The following ZNF808 variants were observed in gnomAD, a reference collection of about 807,000 sequenced individuals.
ZNF808 encodes the protein zinc finger protein 808.
In ZNF808, 5 loss-of-function variants were observed where a neutral mutation model predicts 8.7. That is an observed-to-expected ratio of 0.58 (90% confidence interval 0.30 to 1.21). The LOEUF (loss-of-function observed/expected upper bound fraction) is 1.21. Among genes scored for constraint, ZNF808 ranks in the 50% most tolerant of loss-of-function variants. ZNF808 has a pLI of 0.07. For synonymous variants in ZNF808, 380 were observed against 366.0 expected (o/e 1.04, Z -0.44); for missense variants, 1,103 against 1,098.4 (o/e 1.00, Z -0.06).
chr19:52,566,161 AGTTT>A (rs1025474880), downstream of ZNF808, among the ~76,000 whole-genome samples: 6 of 151,860 alleles, frequency 4.0e-5, no homozygotes, highest in African/African-American at 9.7e-5. Context: ...ATATATATAT[AGTTT>A]GTTTTGTTTT....
chr19:52,536,240 C>G (rs957554097), intron 2 of ZNF808, among the ~76,000 whole-genome samples: 3 of 152,188 alleles, frequency 2.0e-5, no homozygotes, highest in African/African-American at 7.2e-5. Flanking sequence ...CTGGTCCCAA[C>G]CCCGGTCTTT....
intron 1 of ZNF808, among the ~76,000 whole-genome samples, chr19:52,530,646 G>C (rs978437870): frequency 6.8e-6 from 1 of 147,390 alleles, no homozygotes; most frequent in African/African-American, 2.5e-5. Flanking sequence ...CTGGGCAACG[G>C]AGCTAGACTC....
intron 2 of ZNF808, among the ~76,000 whole-genome samples, chr19:52,541,981 C>T (rs1439976066): frequency 6.6e-6 from 1 of 152,060 alleles, no homozygotes; most frequent in Non-Finnish European, 1.5e-5. Flanking sequence ...CCAAACTTGA[C>T]AGCATGTATT....
intron 3 of ZNF808, among the ~76,000 whole-genome samples, chr19:52,561,846 T>A (rs1251281215): frequency 6.6e-6 from 1 of 152,142 alleles, no homozygotes; most frequent in Non-Finnish European, 1.5e-5. Flanking sequence ...GGTGCCTGGC[T>A]GCCTCCAGGG....
chr19:52,556,943 C>T (rs1375145224), downstream of ZNF808, among the ~76,000 whole-genome samples: 1 of 151,968 alleles, frequency 6.6e-6, no homozygotes, highest in African/African-American at 2.4e-5. Context: ...TAGAATGCTC[C>T]TCCAAAAGCA....
downstream of ZNF808, among the ~76,000 whole-genome samples, chr19:52,567,486 TTTATTATTATTA>T (rs199989177): frequency 2.9e-3 from 107 of 37,178 alleles, 1 homozygote; most frequent in Middle Eastern, 0.011. Flanking sequence ...AGCTGTATTT[TTTATTATTATTA>T]TTATTATTAT....
At chr19:52,548,267 A>G (rs73934561) in intron 4 of ZNF808, among the ~76,000 whole-genome samples, 2,678 of 152,274 alleles carry the variant, frequency 0.018, 72 homozygotes, top group African/African-American at 0.061. Context: ...ATTTTTAACA[A>G]GAAAACCTAT....
At chr19:52,546,642 C>CT (rs67940309) in intron 3 of ZNF808, among the ~76,000 whole-genome samples, 4,246 of 98,798 alleles carry the variant, frequency 0.043, 313 homozygotes, top group African/African-American at 0.13. Flanking sequence ...CCTGTGTTTG[C>CT]TTTTTTTTTT....
At position 52,554,150 on chromosome 19, in the gene ZNF808, T is replaced by A; in HGVS notation, c.1234T>A (p.Ser412Thr). 6.2e-7 allele frequency: 1 copy of A among 1,614,128 alleles called. No homozygotes were observed. The highest frequency in any genetic ancestry group is 8.5e-7 in the Non-Finnish European group (1 of 1,180,018). ...GTGTGGTAAGGCTTTTAATCATCAA[T>A]CAAGCCTTGCACGTCATCATATACT... Reference protein sequence around the residue: ...NECGKAFNHQSSLARHHILHT... With the variant: ...NECGKAFNHQTSLARHHILHT... Residue 412 changes from serine to threonine, a missense_variant, in exon 5 of 5, where the codon TCA becomes ACA. Physicochemically the swap from Ser to Thr is moderately conservative, Grantham distance 58 (BLOSUM62 1). Coordinates refer to ENST00000359798, the MANE Select transcript of ZNF808 (RefSeq NM_001039886.4).
chr19:52,559,055 C>T (rs547493300), downstream of ZNF808, among the ~76,000 whole-genome samples: 41 of 152,312 alleles, frequency 2.7e-4, no homozygotes, highest in African/African-American at 8.7e-4. Context: ...CATGTGATAG[C>T]CTGAGATATG....
Position 52,535,507 on chromosome 19 carries a change from T to C in ZNF808, c.-20+2498T>C, listed in dbSNP as rs548944245. 3.4e-4 allele frequency among the ~76,000 whole-genome samples: 52 copies of C among 152,036 alleles called. No homozygotes were observed. The East Asian group carries it at 9.2e-3, about 27-fold the overall frequency. On this transcript the variant is annotated intron_variant, in intron 2 of 4. Coordinates refer to ENST00000359798, the MANE Select transcript of ZNF808 (RefSeq NM_001039886.4). The stretch of plus-strand genomic sequence containing the variant: ...GCTGGGACCTCAGGCTTCCGCCCCG[T>C]GCCCGCATCCCTGCTGTGTTTAGGC...
chr19:52,543,187 T>C, intron 2 of ZNF808, 79 bp from the exon 3 acceptor site: 11 of 1,461,324 alleles, frequency 7.5e-6, no homozygotes, highest in Non-Finnish European at 1.0e-5. Context: ...CAGGGTGACA[T>C]CTCCCGGTTC....
At chr19:52,568,433 A>T (rs961645401), downstream of ZNF808, among the ~76,000 whole-genome samples, 1 of 152,226 alleles carries the variant, frequency 6.6e-6, no homozygotes, top group Admixed American at 6.5e-5. Flanking sequence ...TATCAATTTT[A>T]AAAAGTTTTC....
chr19:52,540,341 A>C (rs2059658832), intron 2 of ZNF808, among the ~76,000 whole-genome samples: 1 of 152,130 alleles, frequency 6.6e-6, no homozygotes, highest in African/African-American at 2.4e-5. Context: ...ATATTTTCAA[A>C]TATTTCTCCT....
chr19:52,568,103 G>A (rs569449304), downstream of ZNF808, among the ~76,000 whole-genome samples: 2 of 152,356 alleles, frequency 1.3e-5, no homozygotes, highest in East Asian at 3.9e-4. Context: ...CAGGCATGCA[G>A]GCTCAGGCCT....
intron 2 of ZNF808, among the ~76,000 whole-genome samples, chr19:52,533,608 G>C (rs184997399): frequency 0.013 from 1,957 of 151,796 alleles, 39 homozygotes; most frequent in African/African-American, 0.045. Context: ...TGTAATCCCA[G>C]CACTTTGGGA....
chr19:52,551,773 G>C (rs1258973799), intron 4 of ZNF808, among the ~76,000 whole-genome samples: 1 of 150,996 alleles, frequency 6.6e-6, no homozygotes. Context: ...GAGGTCAAGG[G>C]GGGTGGATTA....
intron 2 of ZNF808, among the ~76,000 whole-genome samples, chr19:52,541,833 G>C (rs2059673590): frequency 6.6e-6 from 1 of 152,088 alleles, no homozygotes; most frequent in South Asian, 2.1e-4. Context: ...GTGTCCAGTT[G>C]TCTCAGCTGT....
intron 2 of ZNF808, among the ~76,000 whole-genome samples, chr19:52,537,293 TGAG>T (rs760050341): frequency 6.6e-6 from 1 of 150,586 alleles, no homozygotes; most frequent in Non-Finnish European, 1.5e-5. Context: ...GGGTACAAAA[TGAG>T]GAGCACAATC....
Sources: allele counts gnomAD v4.1 joint callset (sites outside exome capture counted in the v4.1 genomes callset), GRCh38; gene constraint gnomAD v4.1.1; transcripts MANE v1.5; gene names NCBI Gene and HGNC (gene_info 2026-07-23, HGNC 2026-07-21).